The following ZNF705G variants were observed in gnomAD, a reference collection of about 807,000 sequenced individuals.
ZNF705G encodes the protein putative zinc finger protein 705G.
Under a neutral mutation model 19.6 loss-of-function variants are expected in ZNF705G, and 23 were observed. The observed-to-expected ratio is 1.17, with a 90% CI of 0.84 to 1.66. The LOEUF (loss-of-function observed/expected upper bound fraction) is 1.66. ZNF705G is among the 40% of genes most tolerant of loss of function. ZNF705G has a pLI of 0.00. For missense variants in ZNF705G, 457 were observed against 354.4 expected, an observed-to-expected ratio of 1.29 and a Z score of -2.32; for synonymous variants, 146 against 117.7, an observed-to-expected ratio of 1.24 and a Z score of -1.56.
chr8:7,369,456 G>A (rs1321921612), intron 2 of ZNF705G, among the ~76,000 whole-genome samples: 3 of 149,494 alleles, frequency 2.0e-5, no homozygotes, highest in African/African-American at 7.7e-5. Context: ...CCAGACCCGA[G>A]AATGGTAGAT....
intron 3 of ZNF705G, among the ~76,000 whole-genome samples, chr8:7,362,221 T>C (rs758546547): frequency 1.4e-4 from 21 of 149,678 alleles, no homozygotes; most frequent in Non-Finnish European, 2.1e-4. Flanking sequence ...TGTGCAACCA[T>C]AATTAAATAA....
rs183343067 is a variant in ZNF705G at position 7,368,247 on chromosome 8, A to G, written c.-71-5230T>C. On this transcript the variant is annotated intron_variant, in intron 2 of 6. Coordinates refer to ENST00000400156, the MANE Select transcript of ZNF705G (RefSeq NM_001164457.3). ...AGACTACTACTAAAAACCCTCACAT[A>G]AAGTTGGAAACCAAAGAGTTAAGGC... is the stretch of plus-strand genomic sequence containing the variant. Among the ~76,000 whole-genome samples, 297 of 149,686 alleles carry G rather than the reference A, an allele frequency of 2.0e-3. 4 individuals are homozygous for G. The highest frequency in any genetic ancestry group is 7.4e-3 in the African/African-American group (288 of 39,104).
intron 2 of ZNF705G, among the ~76,000 whole-genome samples, chr8:7,379,566 G>C (rs1049010454): frequency 1.4e-5 from 2 of 147,128 alleles, no homozygotes; most frequent in African/African-American, 5.5e-5. Context: ...CAGCAGCAAA[G>C]TGATGAGGAA....
chr8:7,358,589 T>A, intron 6 of ZNF705G, 29 bp from the exon 7 acceptor site: 1 of 1,606,476 alleles, frequency 6.2e-7, no homozygotes, highest in South Asian at 1.1e-5. Context: ...AAGCTCTTAA[T>A]GGTTTACCCA....
rs1227988566 is a variant in ZNF705G at position 7,380,786 on chromosome 8, G to C, written c.-72+666C>G. On this transcript the variant is annotated intron_variant, in intron 2 of 6. Coordinates refer to ENST00000400156, the MANE Select transcript of ZNF705G (RefSeq NM_001164457.3). ...TGTAATCCTAGCACTTTGGAAGGCT[G>C]AGGGGGGCAGATCACCCGAGGTCGG... Among the ~76,000 whole-genome samples the C allele has an allele frequency of 2.1e-5, 3 of 145,940 alleles. 1 individual carries two copies. Among genetic ancestry groups the C allele is most frequent in the African/African-American group, 8.4e-5 (3 of 35,726 alleles).
intron 1 of ZNF705G, among the ~76,000 whole-genome samples, chr8:7,382,940 C>A (rs1317537729): frequency 7.6e-5 from 11 of 143,984 alleles, no homozygotes; most frequent in Non-Finnish European, 1.2e-4. Flanking sequence ...CCTAGCCCTG[C>A]GGCCTTCTGA....
In ZNF705G at chr8:7,357,729, A is replaced by G. The variant is rs1248295166; in HGVS notation, c.*247T>C. 3.2e-5 allele frequency: 22 copies of G among 694,334 alleles called. No individual in the cohort carries two copies. Among genetic ancestry groups the G allele is most frequent in the Admixed American group, 9.2e-5 (3 of 32,654 alleles). The allele number at this position is 694,334 out of a possible 1,614,324, so 43.0% of individuals were successfully genotyped here. A position where few individuals can be genotyped will look rare whatever the true frequency, so the allele number is the denominator to read the frequency against. On this transcript the variant is annotated 3_prime_UTR_variant, in exon 7 of 7. Transcript: ENST00000400156. ...AAGTATCTTCCATGTTGATTACAGT[A>G]TTTCTTCAAAATGTGAGTCCTTTGG...
intron 6 of ZNF705G, 35 bp downstream of exon 6, chr8:7,359,584 C>G (rs767684152): frequency 1.2e-6 from 2 of 1,603,242 alleles, no homozygotes; most frequent in South Asian, 1.1e-5. Context: ...ATGTCTTTAA[C>G]TTAGATGACT....
At chr8:7,359,144 C>T (rs182352338) in intron 6 of ZNF705G, among the ~76,000 whole-genome samples, 1 of 149,602 alleles carries the variant, frequency 6.7e-6, no homozygotes, top group Non-Finnish European at 1.5e-5. Flanking sequence ...CAATATCCCA[C>T]CCTTTCCCCT....
At chr8:7,364,101 A>T (rs1806737300) in intron 2 of ZNF705G, among the ~76,000 whole-genome samples, 1 of 149,410 alleles carries the variant, frequency 6.7e-6, no homozygotes, top group Non-Finnish European at 1.5e-5. Flanking sequence ...GGTTTATATT[A>T]GTCTTTGTTA....
intron 2 of ZNF705G, among the ~76,000 whole-genome samples, chr8:7,365,024 C>T (rs141023788): frequency 0.024 from 3,632 of 149,374 alleles, 477 homozygotes; most frequent in African/African-American, 0.089. Flanking sequence ...ATAACCCAAA[C>T]ATGAATGAAA....
intron 2 of ZNF705G, among the ~76,000 whole-genome samples, chr8:7,370,204 G>A (rs1358936529): frequency 2.0e-5 from 3 of 147,732 alleles, no homozygotes; most frequent in Non-Finnish European, 4.4e-5. Flanking sequence ...CTAGGAGGCG[G>A]AGCTTGCAGC....
rs143791658 is a variant in ZNF705G, at chr8:7,383,187, C to T, written c.-221-1586G>A. ...GCGATAATTCTAGGCAGGCTCTTACCATGTCAAACTTCTGCATAGATTACA... is the reference window on the plus strand; with the variant it reads ...GCGATAATTCTAGGCAGGCTCTTACTATGTCAAACTTCTGCATAGATTACA... On this transcript the variant is annotated intron_variant, in intron 1 of 6. Coordinates refer to ENST00000400156, the MANE Select transcript of ZNF705G (RefSeq NM_001164457.3). Among the ~76,000 whole-genome samples the T allele has an allele frequency of 2.5e-3, 368 of 146,982 alleles. No individual in the cohort carries two copies. The East Asian group carries it at 0.039, about 16-fold the overall frequency.
chr8:7,382,976 T>C (rs1807565602), intron 1 of ZNF705G, among the ~76,000 whole-genome samples: 1 of 147,810 alleles, frequency 6.8e-6, no homozygotes, highest in African/African-American at 2.7e-5. Context: ...CATATCACTC[T>C]GTATGCCTTT....
At chr8:7,382,898 A>G (rs1251256086) in intron 1 of ZNF705G, among the ~76,000 whole-genome samples, 1 of 147,136 alleles carries the variant, frequency 6.8e-6, no homozygotes, top group Admixed American at 6.6e-5. Context: ...ACCTGAGTAG[A>G]GTACATTGTA....
Position 7,357,518 on chromosome 8 carries a change from T to C in ZNF705G, c.*458A>G, listed in dbSNP as rs369907305. On this transcript the variant is annotated 3_prime_UTR_variant, in exon 7 of 7. Transcript: ENST00000400156. ...ACTGAATGCAGAGTTAGAGATTCTC[T>C]ACCTGAAAGTCCCACATGTTTTAAG... The C allele has an allele frequency of 2.5e-5, 5 of 199,116 alleles. No homozygotes were observed. Among genetic ancestry groups the C allele is most frequent in the Non-Finnish European group, 5.0e-5 (5 of 100,496 alleles). 12.3% of individuals were successfully genotyped at this position (199,116 alleles called of 1,614,324 possible). A position where few individuals can be genotyped will look rare whatever the true frequency, so the allele number is the denominator to read the frequency against.
At chr8:7,366,973 T>C (rs1488533389) in intron 2 of ZNF705G, among the ~76,000 whole-genome samples, 1 of 149,688 alleles carries the variant, frequency 6.7e-6, no homozygotes, top group Non-Finnish European at 1.5e-5. Flanking sequence ...TATTTAATTA[T>C]AATTTATTTA....
Position 7,359,397 on chromosome 8 carries a change from T to G in ZNF705G, c.318+222A>C, listed in dbSNP as rs1477097374. ...ATCAATATCTTTCGATGACTGGGCA[T>G]GAGCAATGTATATGCACTTGTTCTA... is the stretch of plus-strand genomic sequence containing the variant. On this transcript the variant is annotated intron_variant, in intron 6 of 6. Coordinates refer to ENST00000400156, the MANE Select transcript of ZNF705G (RefSeq NM_001164457.3). Among the ~76,000 whole-genome samples the G allele has an allele frequency of 2.7e-5, 4 of 149,810 alleles. 1 individual carries two copies. Among genetic ancestry groups the G allele is most frequent in the Middle Eastern group, 3.2e-3 (1 of 314 alleles).
chr8:7,376,869 C>CAT (rs1481616356), intron 2 of ZNF705G, among the ~76,000 whole-genome samples: 1 of 134,394 alleles, frequency 7.4e-6, no homozygotes, highest in Admixed American at 7.7e-5. Flanking sequence ...TATAATCTAT[C>CAT]ATATAGAGAG....
Sources: allele counts gnomAD v4.1 joint callset (sites outside exome capture counted in the v4.1 genomes callset), GRCh38; gene constraint gnomAD v4.1.1; transcripts MANE v1.5; gene names NCBI Gene and HGNC (gene_info 2026-07-23, HGNC 2026-07-21).